Variants in NPNT observed in about 807,000 individuals in gnomAD.
NPNT encodes the protein nephronectin.
A neutral mutation model predicts 68.6 loss-of-function variants in NPNT; 45 were observed. The observed-to-expected ratio is 0.66, with a 90% confidence interval of 0.52 to 0.84. The LOEUF is 0.84. Among genes scored for constraint, NPNT ranks in the 40% least tolerant of loss-of-function variants. The probability of loss-of-function intolerance (pLI) is 0.00; values close to 1 mark genes in which losing one functional copy is unlikely to be tolerated. For synonymous variants in NPNT, 233 were observed against 253.3 expected (o/e 0.92, Z 0.76); for missense variants, 672 against 714.8 (o/e 0.94, Z 0.68).
At chr4:105,921,715 A>G (rs1336505060) in intron 2 of NPNT, among the ~76,000 whole-genome samples, 1 of 152,174 alleles carries the variant, frequency 6.6e-6, no homozygotes, top group East Asian at 1.9e-4. Context: ...GGACCACTGT[A>G]CAATCTCCCT....
intron 8 of NPNT, among the ~76,000 whole-genome samples, chr4:105,948,843 C>T (rs1730588285): frequency 6.6e-6 from 1 of 152,106 alleles, no homozygotes; most frequent in African/African-American, 2.4e-5. Flanking sequence ...AGGAATCCTC[C>T]CACCTTGGCC....
chr4:105,941,945 C>T, intron 7 of NPNT, among the ~76,000 whole-genome samples: 1 of 151,992 alleles, frequency 6.6e-6, no homozygotes, highest in East Asian at 1.9e-4. Flanking sequence ...CTTAGAATGT[C>T]TCTGCATTTT....
At chr4:105,952,368 T>G (rs1730901749) in intron 8 of NPNT, among the ~76,000 whole-genome samples, 1 of 152,218 alleles carries the variant, frequency 6.6e-6, no homozygotes, top group African/African-American at 2.4e-5. Context: ...ATTTAGGTGT[T>G]TATAGTCTCA....
chr4:105,914,353 T>TTCTC (rs1261276610), intron 2 of NPNT, among the ~76,000 whole-genome samples: 6 of 132,222 alleles, frequency 4.5e-5, no homozygotes, highest in Non-Finnish European at 6.3e-5. Flanking sequence ...TCTCTCTCCA[T>TTCTC]TCTCTCTCTC....
intron 5 of NPNT, among the ~76,000 whole-genome samples, chr4:105,939,217 G>A (rs1449790390): frequency 1.3e-5 from 2 of 152,194 alleles, no homozygotes; most frequent in African/African-American, 2.4e-5. Flanking sequence ...AATGCCAAGT[G>A]TTAACATGAG....
rs1232573514 is a variant in NPNT at position 105,969,270 on chromosome 4, G to A, written c.*280G>A. 2.0e-5 allele frequency: 6 copies of A among 298,632 alleles called. No homozygotes were observed. The highest frequency in any genetic ancestry group is 5.7e-5 in the East Asian group (1 of 17,550). The allele number at this position is 298,632 out of a possible 1,614,324, so 18.5% of individuals were successfully genotyped here. On this transcript the variant is annotated 3_prime_UTR_variant, in exon 12 of 12. Coordinates refer to ENST00000379987, the MANE Select transcript of NPNT (RefSeq NM_001033047.3). ...TCTTTCAGGAAGGCATTCAGCATGC[G>A]TGAGCCATACCATCCTCCATCCTGA... is the stretch of plus-strand genomic sequence containing the variant.
intron 3 of NPNT, chr4:105,932,457 G>A (rs1302275588): frequency 2.0e-6 from 1 of 488,120 alleles, no homozygotes; most frequent in Admixed American, 3.9e-5. Context: ...AGAGAAACCA[G>A]AAGAACCAGA....
At chr4:105,959,730 A>G (rs1443996185) in intron 10 of NPNT, among the ~76,000 whole-genome samples, 3 of 151,750 alleles carry the variant, frequency 2.0e-5, no homozygotes, top group African/African-American at 4.8e-5. Flanking sequence ...CACAATTCCT[A>G]TTAATCTAAA....
At chr4:105,937,868 A>G (rs866052182) in intron 4 of NPNT, among the ~76,000 whole-genome samples, 80 of 152,198 alleles carry the variant, frequency 5.3e-4, no homozygotes, top group African/African-American at 1.8e-3. Context: ...AAAGTTAGCT[A>G]ATTTTATTTA....
At chr4:105,927,115 T>C in intron 2 of NPNT, 1 of 303,192 alleles carries the variant, frequency 3.3e-6, no homozygotes, top group Non-Finnish European at 6.1e-6. Context: ...AATTTAAAAT[T>C]TTTTTCAGCC....
chr4:105,962,617 T>A (rs1368144839), intron 10 of NPNT, among the ~76,000 whole-genome samples: 3 of 152,028 alleles, frequency 2.0e-5, no homozygotes, highest in Non-Finnish European at 2.9e-5. Context: ...TGATTCAGAA[T>A]GGAATGTGGA....
At chr4:105,900,049 A>G (rs183887940) in intron 2 of NPNT, among the ~76,000 whole-genome samples, 1 of 152,366 alleles carries the variant, frequency 6.6e-6, no homozygotes, top group Non-Finnish European at 1.5e-5. Context: ...ATGCCTTGCT[A>G]TTGTATAACA....
At chr4:105,907,923 G>A (rs952512391) in intron 2 of NPNT, among the ~76,000 whole-genome samples, 3 of 151,938 alleles carry the variant, frequency 2.0e-5, no homozygotes, top group African/African-American at 7.3e-5. Context: ...GTATATTACA[G>A]GCCAGACATG....
At chr4:105,905,788 T>C (rs894703908) in intron 2 of NPNT, among the ~76,000 whole-genome samples, 9 of 152,208 alleles carry the variant, frequency 5.9e-5, no homozygotes, top group African/African-American at 2.2e-4. Flanking sequence ...AGACATTTGA[T>C]TTCTGTATTA....
At chr4:105,948,844 C>T (rs1413388111) in intron 8 of NPNT, among the ~76,000 whole-genome samples, 2 of 152,224 alleles carry the variant, frequency 1.3e-5, no homozygotes, top group African/African-American at 4.8e-5. Context: ...GGAATCCTCC[C>T]ACCTTGGCCT....
rs910369028 is a variant in NPNT, at chr4:105,971,182, A to G, written c.*2192A>G. On this transcript the variant is annotated 3_prime_UTR_variant, in exon 12 of 12. Coordinates refer to ENST00000379987, the MANE Select transcript of NPNT (RefSeq NM_001033047.3). The stretch of plus-strand genomic sequence containing the variant: ...CATTCTCTCTGCTTCGTGTGTGACA[A>G]GTTATCTTGGCTGCTGAGAAAGAGT... 8 of 455,748 alleles carry G rather than the reference A, an allele frequency of 1.8e-5. No homozygotes were observed. The highest frequency in any genetic ancestry group is 1.6e-4 in the African/African-American group (8 of 50,012). The allele number at this position is 455,748 out of a possible 1,614,324, so 28.2% of individuals were successfully genotyped here. A position where few individuals can be genotyped will look rare whatever the true frequency, so the allele number is the denominator to read the frequency against.
At position 105,938,351 on chromosome 4, in the gene NPNT, A is replaced by G. The variant is rs1263733332; in HGVS notation, c.436A>G (p.Lys146Glu). Residue 146 changes from lysine (K) to glutamate (E), a missense_variant, in exon 5 of 12, where the codon AAA becomes GAA. Coordinates refer to ENST00000379987, the MANE Select transcript of NPNT (RefSeq NM_001033047.3). Reference sequence around the variant, plus strand: ...CTGTCAGTATGGCTGTGATGTTGTTAAAGGACAAATACGGTGCCAGTGCCC... The same window carrying G: ...CTGTCAGTATGGCTGTGATGTTGTTGAAGGACAAATACGGTGCCAGTGCCC... Reference protein sequence around the residue: ...ANCQYGCDVVKGQIRCQCPSP... With the variant: ...ANCQYGCDVVEGQIRCQCPSP... The G allele has an allele frequency of 2.5e-6, 4 of 1,613,760 alleles. No homozygotes were observed. Among genetic ancestry groups the G allele is most frequent in the Non-Finnish European group, 3.4e-6 (4 of 1,179,784 alleles).
intron 2 of NPNT, among the ~76,000 whole-genome samples, chr4:105,898,557 C>A (rs374464202): frequency 6.6e-6 from 1 of 152,026 alleles, no homozygotes; most frequent in African/African-American, 2.4e-5. Flanking sequence ...TTTGTAAATC[C>A]TTTTTTGGAC....
chr4:105,912,894 G>T (rs1405652372), intron 2 of NPNT, among the ~76,000 whole-genome samples: 2 of 152,208 alleles, frequency 1.3e-5, no homozygotes, highest in African/African-American at 4.8e-5. Flanking sequence ...TTGAAACAGA[G>T]CCTTGCTCTG....
Sources: gnomAD v4.1 joint callset for allele counts (sites outside exome capture counted in the v4.1 genomes callset) on GRCh38, gnomAD v4.1.1 for gene constraint, MANE v1.5 for transcripts, NCBI Gene and HGNC (gene_info 2026-07-23, HGNC 2026-07-21) for gene names.